The following CDH13 variants were observed in gnomAD, a reference collection of about 807,000 sequenced individuals.
CDH13 encodes cadherin 13.
In CDH13, 24 loss-of-function variants were observed where a neutral mutation model predicts 63.8. That is an observed-to-expected ratio of 0.38 (90% CI 0.27 to 0.53). CDH13 has a LOEUF of 0.53. Among genes scored for constraint, CDH13 ranks in the 20% least tolerant of loss-of-function variants. The probability of loss-of-function intolerance (pLI) is 0.85; values close to 1 mark genes in which losing one functional copy is unlikely to be tolerated. For missense variants in CDH13, 1,049 were observed against 903.1 expected, an observed-to-expected ratio of 1.16 and a Z score of -2.07; for synonymous variants, 503 against 355.3, an observed-to-expected ratio of 1.42 and a Z score of -4.67.
At chr16:83,256,752 G>A (rs1244197297) in intron 5 of CDH13, among the ~76,000 whole-genome samples, 3 of 150,300 alleles carry the variant, frequency 2.0e-5, no homozygotes, top group Non-Finnish European at 3.0e-5. Context: ...GGCTGAGGCA[G>A]GAGAATGGCA....
chr16:83,008,382 G>A (rs552072160), intron 2 of CDH13, among the ~76,000 whole-genome samples: 1 of 152,292 alleles, frequency 6.6e-6, no homozygotes, highest in Non-Finnish European at 1.5e-5. Flanking sequence ...TGGGGGAATT[G>A]CACTGTAGGC....
intron 2 of CDH13, among the ~76,000 whole-genome samples, chr16:82,863,926 A>T (rs1306806618): frequency 6.6e-6 from 1 of 152,186 alleles, no homozygotes; most frequent in Non-Finnish European, 1.5e-5. Flanking sequence ...AATTTTTTAA[A>T]AGTAAGTAAA....
At chr16:83,068,865 A>G (rs923319357) in intron 3 of CDH13, among the ~76,000 whole-genome samples, 1 of 152,146 alleles carries the variant, frequency 6.6e-6, no homozygotes, top group African/African-American at 2.4e-5. Context: ...TTTCTGGCCA[A>G]TGTCTAAATT....
intron 2 of CDH13, among the ~76,000 whole-genome samples, chr16:83,012,007 G>C (rs1597404420): frequency 6.6e-6 from 1 of 152,218 alleles, no homozygotes; most frequent in East Asian, 1.9e-4. Context: ...CAGATCACTA[G>C]ATTTTAATTT....
At chr16:83,646,686 C>G (rs555688680) in intron 8 of CDH13, among the ~76,000 whole-genome samples, 4 of 70,350 alleles carry the variant, frequency 5.7e-5, no homozygotes, top group Admixed American at 4.2e-4. Flanking sequence ...GAGCAAGACT[C>G]CGTCTCAAAA....
chr16:82,675,131 CGTATT>C (rs747452212), intron 1 of CDH13, among the ~76,000 whole-genome samples: 2 of 151,980 alleles, frequency 1.3e-5, no homozygotes, highest in Non-Finnish European at 2.9e-5. Context: ...ACTTAAAAAT[CGTATT>C]GGATAAGGGT....
At chr16:83,569,267 C>G (rs535241790) in intron 7 of CDH13, among the ~76,000 whole-genome samples, 1 of 152,258 alleles carries the variant, frequency 6.6e-6, no homozygotes, top group Admixed American at 6.5e-5. Context: ...CCTCCCCTCC[C>G]TCTCCCCATT....
At chr16:82,962,302 C>T (rs1449980666) in intron 2 of CDH13, among the ~76,000 whole-genome samples, 1 of 152,144 alleles carries the variant, frequency 6.6e-6, no homozygotes, top group Non-Finnish European at 1.5e-5. Context: ...CCCAGAGCCA[C>T]CAGGAGGTGG....
At chr16:82,869,880 C>T (rs940181005) in intron 2 of CDH13, among the ~76,000 whole-genome samples, 3 of 152,158 alleles carry the variant, frequency 2.0e-5, no homozygotes, top group East Asian at 1.9e-4. Context: ...GAAACGACTA[C>T]ATGAAAACAT....
chr16:82,692,971 A>G (rs1355564792), intron 1 of CDH13, among the ~76,000 whole-genome samples: 1 of 152,144 alleles, frequency 6.6e-6, no homozygotes, highest in African/African-American at 2.4e-5. Flanking sequence ...TCGTTTTACA[A>G]AAGATTTTGC....
chr16:83,286,917 G>A (rs867934521), intron 5 of CDH13, among the ~76,000 whole-genome samples: 1 of 151,838 alleles, frequency 6.6e-6, no homozygotes, highest in Non-Finnish European at 1.5e-5. Flanking sequence ...CTGGATATTT[G>A]ATTCCTACTT....
At chr16:82,710,552 A>AAAAAAAAAATATATATAT (rs60196638) in intron 1 of CDH13, among the ~76,000 whole-genome samples, 1 of 63,768 alleles carries the variant, frequency 1.6e-5, no homozygotes, top group Non-Finnish European at 3.0e-5. Flanking sequence ...AAAAAAAAAA[A>AAAAAAAAAATATATATAT]ATATATATAT....
chr16:83,166,999 T>C (rs2037704411), intron 4 of CDH13, among the ~76,000 whole-genome samples: 2 of 152,164 alleles, frequency 1.3e-5, no homozygotes, highest in African/African-American at 4.8e-5. Context: ...CTCTATTTGC[T>C]GCATTTTTAC....
intron 3 of CDH13, among the ~76,000 whole-genome samples, chr16:83,073,917 C>G (rs2032635092): frequency 6.6e-6 from 1 of 152,038 alleles, no homozygotes; most frequent in Non-Finnish European, 1.5e-5. Context: ...GTTACATGTA[C>G]AGAATGTGTA....
intron 3 of CDH13, among the ~76,000 whole-genome samples, chr16:83,089,071 GA>G (rs200138107): frequency 6.6e-6 from 1 of 152,144 alleles, no homozygotes; most frequent in East Asian, 1.9e-4. Context: ...ACAGACTCCT[GA>G]GGCAGGGTTT....
At chr16:83,243,370 G>A (rs1391534139) in intron 5 of CDH13, among the ~76,000 whole-genome samples, 2 of 152,188 alleles carry the variant, frequency 1.3e-5, no homozygotes, top group Admixed American at 6.5e-5. Context: ...GAGAGAACTT[G>A]TGCAGGAAAT....
At chr16:83,071,656 C>T (rs2032446993) in intron 3 of CDH13, among the ~76,000 whole-genome samples, 1 of 152,134 alleles carries the variant, frequency 6.6e-6, no homozygotes, top group African/African-American at 2.4e-5. Flanking sequence ...GCAAGCTGGA[C>T]TGAATAGTTG....
At chr16:83,386,504 G>C (rs2091677792) in intron 6 of CDH13, among the ~76,000 whole-genome samples, 2 of 152,194 alleles carry the variant, frequency 1.3e-5, no homozygotes, top group South Asian at 2.1e-4. Context: ...ATATATAAAA[G>C]AGGTGTTGGT....
chr16:83,551,427 A>T (rs921149870), intron 7 of CDH13, among the ~76,000 whole-genome samples: 1 of 152,156 alleles, frequency 6.6e-6, no homozygotes, highest in South Asian at 2.1e-4. Flanking sequence ...GTCAAAGTCA[A>T]CAAGTGTTAT....
Sources: gnomAD v4.1 joint callset for allele counts (sites outside exome capture counted in the v4.1 genomes callset) on GRCh38, gnomAD v4.1.1 for gene constraint, MANE v1.5 for transcripts, NCBI Gene and HGNC (gene_info 2026-07-23, HGNC 2026-07-21) for gene names.